Variants in SGCD observed in about 807,000 individuals in gnomAD.
SGCD encodes the protein delta-sarcoglycan.
SGCD carries 18 observed loss-of-function variants against 36.6 expected under a neutral mutation model. The ratio of observed to expected loss-of-function variants is 0.49; its 90% CI spans 0.34 to 0.73. SGCD has a LOEUF of 0.73. Among genes scored for constraint, SGCD ranks in the 30% least tolerant of loss-of-function variants. SGCD has a pLI of 0.01. For missense variants in SGCD, 387 were observed against 346.7 expected, an observed-to-expected ratio of 1.12 and a Z score of -0.92; for synonymous variants, 133 against 130.6, an observed-to-expected ratio of 1.02 and a Z score of -0.12.
chr5:155,825,728 G>GTTT, the SGCD span, among the ~76,000 whole-genome samples: 69 of 147,104 alleles, frequency 4.7e-4, no homozygotes, highest in Admixed American at 1.4e-3. Context: ...TTTATTATTT[G>GTTT]TTTTTTTTTT....
At chr5:156,494,418 G>A (rs1756088260) in intron 3 of SGCD, among the ~76,000 whole-genome samples, 1 of 148,504 alleles carries the variant, frequency 6.7e-6, no homozygotes, top group African/African-American at 2.5e-5. Flanking sequence ...CTAAACAATA[G>A]TGTCTATGGA....
chr5:156,398,003 C>A (rs1047100677), intron 3 of SGCD, among the ~76,000 whole-genome samples: 1 of 152,176 alleles, frequency 6.6e-6, no homozygotes, highest in Non-Finnish European at 1.5e-5. Context: ...ACCTTTTTAA[C>A]CCCTTTATAC....
intron 3 of SGCD, among the ~76,000 whole-genome samples, chr5:156,152,199 C>A (rs1316057659): frequency 1.3e-5 from 2 of 151,326 alleles, no homozygotes; most frequent in African/African-American, 4.9e-5. Context: ...GCTGGTTAAC[C>A]TTTTTCTTTG....
chr5:156,518,092 C>T lies in SGCD; in HGVS notation c.294+9390C>T, dbSNP rs542776485. Among the ~76,000 whole-genome samples, 3 of 152,228 alleles carry T rather than the reference C, an allele frequency of 2.0e-5. No homozygotes were observed. In the East Asian group the frequency reaches 5.8e-4, roughly 29 times the overall value. On this transcript the variant is annotated intron_variant, in intron 4 of 8. Coordinates refer to ENST00000337851, the MANE Select transcript of SGCD (RefSeq NM_000337.6). ...CCATCAGTGTACTGTATTCAAGAGA[C>T]CCATCTCACGTGCAAAGACACACAA...
chr5:155,994,126 C>T (rs1581032264), intron 1 of SGCD, among the ~76,000 whole-genome samples: 1 of 152,188 alleles, frequency 6.6e-6, no homozygotes, highest in South Asian at 2.1e-4. Flanking sequence ...CCCTCCCACA[C>T]TAGAGGCATG....
intron 1 of SGCD, among the ~76,000 whole-genome samples, chr5:156,017,162 C>T (rs759389282): frequency 3.3e-5 from 5 of 152,050 alleles, no homozygotes; most frequent in African/African-American, 4.8e-5. Flanking sequence ...GTTTAAAAAC[C>T]ATCTAAAAAT....
rs181780606 is a variant in SGCD, at chr5:156,531,983, G to A, written c.294+23281G>A. Among the ~76,000 whole-genome samples, 247 of 152,110 alleles carry A rather than the reference G, an allele frequency of 1.6e-3. 2 individuals are homozygous for A. Among genetic ancestry groups the A allele is most frequent in the African/African-American group, 5.3e-3 (220 of 41,506 alleles). On this transcript the variant is annotated intron_variant, in intron 4 of 8. Transcript: ENST00000337851. The stretch of plus-strand genomic sequence containing the variant: ...AAATTAGCCGGACATGGTGACAAGC[G>A]CCTGTAATCCCAGCTACTCGGGAGG...
upstream of SGCD, chr5:156,326,612 G>T (rs1162405251): frequency 6.6e-6 from 1 of 152,228 alleles, no homozygotes; most frequent in Non-Finnish European, 1.5e-5. Flanking sequence ...GAAGCGGCAG[G>T]TAGGGAGATC....
intron 3 of SGCD, among the ~76,000 whole-genome samples, chr5:156,309,024 G>T (rs905494404): frequency 5.3e-5 from 8 of 151,974 alleles, no homozygotes; most frequent in Non-Finnish European, 4.4e-5. Context: ...AATTTATTGA[G>T]AATCCCTTGT....
At chr5:156,329,506 A>T in intron 1 of SGCD, 28 bp from the exon 2 acceptor site, 1 of 1,538,158 alleles carries the variant, frequency 6.5e-7, no homozygotes, top group Non-Finnish European at 9.0e-7. Flanking sequence ...TTCAGACCTT[A>T]TTTTTAACCC....
At chr5:156,326,567 C>G (rs1202226833), upstream of SGCD, among the ~76,000 whole-genome samples, 1 of 152,184 alleles carries the variant, frequency 6.6e-6, no homozygotes. Context: ...ATATTGCTCC[C>G]CCTCAAGCAA....
intron 7 of SGCD, among the ~76,000 whole-genome samples, chr5:156,670,321 TC>T (rs1387221829): frequency 2.0e-5 from 3 of 152,238 alleles, no homozygotes; most frequent in Non-Finnish European, 4.4e-5. Flanking sequence ...GTGGCCATTT[TC>T]TTCCTCAAAT....
the SGCD span, among the ~76,000 whole-genome samples, chr5:155,827,675 T>C: frequency 1.9e-5 from 1 of 52,498 alleles, no homozygotes; most frequent in African/African-American, 7.1e-5. Context: ...AATAATTCTT[T>C]TTTTTTTTTT....
chr5:156,462,127 A>G (rs1247143512), intron 3 of SGCD, among the ~76,000 whole-genome samples: 1 of 152,196 alleles, frequency 6.6e-6, no homozygotes, highest in Non-Finnish European at 1.5e-5. Flanking sequence ...AGGAAAATAA[A>G]TATCTGTGCT....
intron 7 of SGCD, among the ~76,000 whole-genome samples, chr5:156,733,941 A>G (rs1219675447): frequency 6.6e-6 from 1 of 151,692 alleles, no homozygotes; most frequent in Non-Finnish European, 1.5e-5. Context: ...GTATTCATAC[A>G]TGTGTATTTG....
chr5:156,458,333 G>A lies in SGCD; in HGVS notation c.193-50268G>A, dbSNP rs369143928. 7.8e-5 allele frequency: 80 copies of A among 1,023,780 alleles called. No individual in the cohort carries two copies. The Middle Eastern group carries it at 8.2e-4, about 10-fold the overall frequency. 63.4% of individuals were successfully genotyped at this position (1,023,780 alleles called of 1,614,324 possible). ...CTTTGTAACATGTTTATTCTTTTGC[G>A]TGACTGTAGGTTTTGGGGGATTACT... On this transcript the variant is annotated intron_variant, in intron 3 of 8. Coordinates refer to ENST00000337851, the MANE Select transcript of SGCD (RefSeq NM_000337.6).
chr5:156,339,443 A>G (rs1220732466), intron 2 of SGCD, among the ~76,000 whole-genome samples: 1 of 152,248 alleles, frequency 6.6e-6, no homozygotes, highest in South Asian at 2.1e-4. Context: ...ATAGCTAGTT[A>G]CTTATTACTA....
the SGCD span, among the ~76,000 whole-genome samples, chr5:155,791,785 C>T: frequency 2.6e-5 from 4 of 152,228 alleles, no homozygotes; most frequent in South Asian, 8.3e-4. Flanking sequence ...AAAAATATTC[C>T]ATGCTCATGA....
chr5:156,342,978 A>G (rs1044622890), intron 2 of SGCD, among the ~76,000 whole-genome samples: 2 of 152,220 alleles, frequency 1.3e-5, no homozygotes, highest in African/African-American at 4.8e-5. Flanking sequence ...GTAGGCCTTC[A>G]TGGAGCATTT....
Sources: allele counts gnomAD v4.1 joint callset (sites outside exome capture counted in the v4.1 genomes callset), GRCh38; gene constraint gnomAD v4.1.1; transcripts MANE v1.5; gene names NCBI Gene and HGNC (gene_info 2026-07-23, HGNC 2026-07-21).